The following PYY variants were observed in gnomAD, a reference collection of about 807,000 sequenced individuals.
The protein encoded by PYY is peptide tyrosine tyrosine.
A neutral mutation model predicts 10.3 loss-of-function variants in PYY; 12 were observed. The observed-to-expected ratio is 1.17, with a 90% CI of 0.75 to 1.89. The LOEUF (loss-of-function observed/expected upper bound fraction) is 1.89. Ranked by LOEUF, PYY falls within the 40% of genes most tolerant of loss-of-function variation. The probability of loss-of-function intolerance (pLI) is 0.00; values close to 1 mark genes in which losing one functional copy is unlikely to be tolerated. For synonymous variants in PYY, 66 were observed against 62.0 expected, an observed-to-expected ratio of 1.06 and a Z score of -0.30; for missense variants, 141 against 134.0, an observed-to-expected ratio of 1.05 and a Z score of -0.26.
intron 2 of PYY, among the ~76,000 whole-genome samples, chr17:43,962,794 G>A (rs1440839628): frequency 6.6e-6 from 1 of 152,192 alleles, no homozygotes; most frequent in East Asian, 1.9e-4. Flanking sequence ...CACAGCTGCT[G>A]AAACAGCCAT....
intron 1 of PYY, among the ~76,000 whole-genome samples, chr17:43,982,592 G>T (rs2048890665): frequency 1.3e-5 from 2 of 152,218 alleles, no homozygotes; most frequent in Admixed American, 1.3e-4. Flanking sequence ...GAAGCAGGGG[G>T]ACTAGCAGGG....
chr17:43,956,143 T>A (rs1353742855), upstream of PYY, among the ~76,000 whole-genome samples: 1 of 151,996 alleles, frequency 6.6e-6, no homozygotes, highest in African/African-American at 2.4e-5. Flanking sequence ...CTAGAGGGCA[T>A]GGGGTGGCCT....
chr17:43,955,361 A>G (rs1207331057), upstream of PYY, among the ~76,000 whole-genome samples: 1 of 152,178 alleles, frequency 6.6e-6, no homozygotes, highest in Non-Finnish European at 1.5e-5. Context: ...CTCCAGCCCC[A>G]GGACAGATGG....
At chr17:43,958,805 T>C (rs2143895645), upstream of PYY, among the ~76,000 whole-genome samples, 1 of 152,362 alleles carries the variant, frequency 6.6e-6, no homozygotes, top group Non-Finnish European at 1.5e-5. Flanking sequence ...TGGTTGGATG[T>C]GTCCCTAGCC....
At chr17:43,993,398 G>T (rs1195774520) in intron 1 of PYY, among the ~76,000 whole-genome samples, 1 of 151,672 alleles carries the variant, frequency 6.6e-6, no homozygotes, top group Non-Finnish European at 1.5e-5. Flanking sequence ...GGCAGAGCCT[G>T]CAGTGAGCCG....
chr17:43,994,412 C>G (rs1248603421), intron 1 of PYY, among the ~76,000 whole-genome samples: 1 of 152,136 alleles, frequency 6.6e-6, no homozygotes, highest in East Asian at 1.9e-4. Flanking sequence ...ACAGTCAAGT[C>G]AGCGAACATT....
At chr17:43,990,076 A>G (rs2048946218) in intron 1 of PYY, among the ~76,000 whole-genome samples, 1 of 151,602 alleles carries the variant, frequency 6.6e-6, no homozygotes, top group African/African-American at 2.4e-5. Context: ...GATGGCAAGA[A>G]TACAGGAAAA....
upstream of PYY, chr17:43,957,858 G>A (rs1434508792): frequency 1.9e-5 from 3 of 154,500 alleles, no homozygotes; most frequent in African/African-American, 7.3e-5. Flanking sequence ...CAGGGGGTGG[G>A]TTTAGGAAAC....
chr17:43,994,977 C>A lies in PYY; in HGVS notation c.-463+9414G>T, dbSNP rs376968260. ...CACTAGCACCTCGGGAGGATCCCTT[C>A]ACTCCGCCGGTCCCCGCAGGGCAGG... is the stretch of plus-strand genomic sequence containing the variant. On this transcript the variant is annotated intron_variant, in intron 1 of 6. Transcript: ENST00000360085. 9.2e-4 allele frequency among the ~76,000 whole-genome samples: 140 copies of A among 152,322 alleles called. 2 individuals carry two copies. The highest frequency in any genetic ancestry group is 3.2e-3 in the African/African-American group (134 of 41,592).
At chr17:43,972,903 CG>C (rs1567930726) in intron 1 of PYY, among the ~76,000 whole-genome samples, 1 of 151,874 alleles carries the variant, frequency 6.6e-6, no homozygotes, top group Non-Finnish European at 1.5e-5. Context: ...TTAGTAGAGA[CG>C]GTGTTTCACC....
rs1241657045 is a variant in PYY, at chr17:43,992,717, T to A, written c.-463+11674A>T. ...AGCGAAACTCCATCAAAAAAAATAA[T>A]AATAATTAAAAATACAAAATTAGTC... On this transcript the variant is annotated intron_variant, in intron 1 of 6. Coordinates refer to the PYY transcript ENST00000360085. Among the ~76,000 whole-genome samples the A allele has an allele frequency of 2.6e-5, 4 of 151,968 alleles. No individual in the cohort carries two copies. In the East Asian group the frequency reaches 5.8e-4, roughly 22 times the overall value.
chr17:43,990,159 G>A lies in PYY; in HGVS notation c.-463+14232C>T, dbSNP rs566106169. ...ACTCTTTGAAAAGCAGCTTCTCGAC[G>A]GGGCGAGGTGGCTCACACCTGTAAT... On this transcript the variant is annotated intron_variant, in intron 1 of 6. Coordinates refer to the PYY transcript ENST00000360085. Among the ~76,000 whole-genome samples the A allele has an allele frequency of 1.2e-3, 180 of 151,112 alleles. 1 individual carries two copies. The highest frequency in any genetic ancestry group is 3.9e-3 in the African/African-American group (162 of 41,230).
intron 1 of PYY, among the ~76,000 whole-genome samples, chr17:43,991,458 C>T (rs899214430): frequency 3.3e-5 from 5 of 152,046 alleles, no homozygotes; most frequent in Admixed American, 6.6e-5. Flanking sequence ...AAGATCTCAA[C>T]TGGGAAAAGA....
intron 1 of PYY, among the ~76,000 whole-genome samples, chr17:43,979,049 G>C (rs1339072395): frequency 6.6e-6 from 1 of 152,150 alleles, no homozygotes; most frequent in African/African-American, 2.4e-5. Context: ...TCGCACCTTA[G>C]GGAGCCAAAG....
chr17:43,962,621 T>C (rs2048720406), intron 2 of PYY, among the ~76,000 whole-genome samples: 1 of 152,180 alleles, frequency 6.6e-6, no homozygotes, highest in Admixed American at 6.5e-5. Context: ...CTGCATCACG[T>C]TGGAAGTGCC....
chr17:43,994,095 C>T (rs35071596), intron 1 of PYY, among the ~76,000 whole-genome samples: 7,899 of 152,168 alleles, frequency 0.052, 266 homozygotes, highest in East Asian at 0.12. Flanking sequence ...CTCAAGTGAT[C>T]CTCCTGCCTC....
chr17:43,977,215 T>C (rs1000094227), intron 1 of PYY, among the ~76,000 whole-genome samples: 1 of 152,070 alleles, frequency 6.6e-6, no homozygotes, highest in Admixed American at 6.5e-5. Context: ...GGATGGCAAT[T>C]CATTTACCCA....
intron 2 of PYY, among the ~76,000 whole-genome samples, chr17:43,963,603 AAAG>A: frequency 1.1e-5 from 1 of 89,986 alleles, no homozygotes; most frequent in Non-Finnish European, 2.8e-5. Flanking sequence ...AGAAAGAAAG[AAAG>A]AAAGAAAGAA....
exon 2 of PYY, chr17:43,966,463 G>T (rs1266361243): frequency 6.6e-6 from 1 of 152,414 alleles, no homozygotes; most frequent in Non-Finnish European, 1.5e-5. Context: ...GTGGCAGCAG[G>T]TCCAGGAATT....
Sources: gnomAD v4.1 joint callset for allele counts (sites outside exome capture counted in the v4.1 genomes callset) on GRCh38, gnomAD v4.1.1 for gene constraint, MANE v1.5 for transcripts, NCBI Gene and HGNC (gene_info 2026-07-23, HGNC 2026-07-21) for gene names.